RIN3: variants seen among roughly 807,000 people sequenced by gnomAD.
RIN3 encodes RAB5 interacting protein 3.
Under a neutral mutation model 76.3 loss-of-function variants are expected in RIN3, and 54 were observed. The observed-to-expected ratio is 0.71, with a 90% CI of 0.57 to 0.89. The LOEUF (loss-of-function observed/expected upper bound fraction) is 0.89. Among genes scored for constraint, RIN3 ranks in the 40% least tolerant of loss-of-function variants. The pLI is 0.00. For missense variants in RIN3, 1,256 were observed against 1,322.1 expected, an observed-to-expected ratio of 0.95 and a Z score of 0.78; for synonymous variants, 576 against 564.0, an observed-to-expected ratio of 1.02 and a Z score of -0.30.
In RIN3 at chr14:92,672,660, A is replaced by ATGTGTGTGTG. The variant is rs57611104; in HGVS notation, c.2336-3795_2336-3786dup. ...ATAAATTATATATATATGTGTGTGC[A>ATGTGTGTGTG]TGTGTGTGTGTGTGTGTGTGTGTGT... On this transcript the variant is annotated intron_variant, in intron 7 of 9. Transcript: ENST00000216487. 1.1e-3 allele frequency among the ~76,000 whole-genome samples: 169 copies of ATGTGTGTGTG among 148,510 alleles called. 1 individual carries two copies. The highest frequency in any genetic ancestry group is 3.9e-3 in the African/African-American group (157 of 40,400).
chr14:92,588,672 G>A (rs1487343014), intron 3 of RIN3, among the ~76,000 whole-genome samples: 1 of 152,032 alleles, frequency 6.6e-6, no homozygotes, highest in Non-Finnish European at 1.5e-5. Flanking sequence ...AGGAATTTGG[G>A]GGGACACCAG....
At chr14:92,626,608 G>A (rs1328838194) in intron 4 of RIN3, among the ~76,000 whole-genome samples, 1 of 152,152 alleles carries the variant, frequency 6.6e-6, no homozygotes. Context: ...GGATACTTAG[G>A]CTGACAAGGA....
At chr14:92,516,790 T>C (rs577256037) in intron 1 of RIN3, among the ~76,000 whole-genome samples, 1 of 152,264 alleles carries the variant, frequency 6.6e-6, no homozygotes, top group African/African-American at 2.4e-5. Flanking sequence ...GGGTCCCTGA[T>C]CTGTGATCTT....
chr14:92,555,158 G>T (rs1424251386), intron 1 of RIN3, among the ~76,000 whole-genome samples: 1 of 152,182 alleles, frequency 6.6e-6, no homozygotes, highest in African/African-American at 2.4e-5. Flanking sequence ...CACTCAAGAT[G>T]TGTGCATTTC....
Position 92,538,849 on chromosome 14 carries a change from A to G in RIN3, c.45-16902A>G, listed in dbSNP as rs1399964999. On this transcript the variant is annotated intron_variant, in intron 1 of 9. Coordinates refer to ENST00000216487, the MANE Select transcript of RIN3 (RefSeq NM_024832.5). ...AAAGGTACAAAAGGGTTCATATCCC[A>G]GCTCTGCCACTTGCTAATTCTGTAG... 2.0e-5 allele frequency among the ~76,000 whole-genome samples: 3 copies of G among 152,226 alleles called. No homozygotes were observed. The East Asian group carries it at 5.8e-4, about 29-fold the overall frequency.
chr14:92,629,608 A>C (rs1886490776), intron 4 of RIN3, among the ~76,000 whole-genome samples: 1 of 152,244 alleles, frequency 6.6e-6, no homozygotes, highest in African/African-American at 2.4e-5. Flanking sequence ...CCCTGCCTCC[A>C]GACCCTATTT....
At chr14:92,577,075 C>A (rs766410659) in intron 2 of RIN3, among the ~76,000 whole-genome samples, 6 of 152,160 alleles carry the variant, frequency 3.9e-5, no homozygotes, top group South Asian at 2.1e-4. Context: ...GACCTCCCCC[C>A]ACCATGGACT....
At chr14:92,601,657 C>T (rs1308177946) in intron 3 of RIN3, among the ~76,000 whole-genome samples, 4 of 152,180 alleles carry the variant, frequency 2.6e-5, no homozygotes, top group Admixed American at 2.0e-4. Context: ...AAGACATCTC[C>T]CCGGCCCTGC....
rs544160650 is a variant in RIN3, at chr14:92,558,306, G to A, written c.249+2351G>A. ...GGAAGTTGCAGTGTGCCTAGATCAC[G>A]CCACTGTACTCCAGCCCAGGTGATG... On this transcript the variant is annotated intron_variant, in intron 2 of 9. Coordinates refer to ENST00000216487, the MANE Select transcript of RIN3 (RefSeq NM_024832.5). Among the ~76,000 whole-genome samples, 35 of 152,222 alleles carry A rather than the reference G, an allele frequency of 2.3e-4. No individual in the cohort carries two copies. The South Asian group carries it at 5.0e-3, about 22-fold the overall frequency.
At chr14:92,646,321 G>T (rs1234629398) in intron 5 of RIN3, among the ~76,000 whole-genome samples, 2 of 152,208 alleles carry the variant, frequency 1.3e-5, no homozygotes, top group African/African-American at 2.4e-5. Context: ...TTGGCATTGG[G>T]ATAGGCAGGG....
At chr14:92,519,144 G>A (rs1195180447) in intron 1 of RIN3, among the ~76,000 whole-genome samples, 1 of 152,126 alleles carries the variant, frequency 6.6e-6, no homozygotes, top group Non-Finnish European at 1.5e-5. Flanking sequence ...GGGGATCAAA[G>A]TGCCCATTGG....
At chr14:92,584,767 C>G (rs1884706626) in intron 3 of RIN3, among the ~76,000 whole-genome samples, 1 of 152,120 alleles carries the variant, frequency 6.6e-6, no homozygotes, top group Admixed American at 6.5e-5. Flanking sequence ...AGGACACTAG[C>G]TACTTTTTCA....
rs761845234 is a variant in RIN3 at position 92,652,032 on chromosome 14, G to C, written c.983G>C (p.Gly328Ala). ...CCCCACGTCACACCCCATGCCCCAG[G>C]TCCCCCAGACCATCCGAACCAGCCG... ...PAPHVTPHAP[G>A]PPDHPNQPPM... Residue 328 changes from glycine to alanine, a missense_variant, in exon 6 of 10, where the codon GGT becomes GCT. Gly to Ala is a moderately conservative substitution (Grantham distance 60, BLOSUM62 0). Around this residue, in one of 3 missense-constraint regions of RIN3, gnomAD observed 610 missense variants for 626.4 expected, o/e 0.97. Transcript: ENST00000216487. The surrounding 1 kb of genome is among the most constrained non-coding windows in gnomAD (Gnocchi z 6.4). 39 of 1,594,632 alleles carry C rather than the reference G, an allele frequency of 2.4e-5. No homozygotes were observed. Among genetic ancestry groups the C allele is most frequent in the Non-Finnish European group, 2.9e-5 (34 of 1,176,034 alleles).
At chr14:92,588,416 G>C (rs1299229192) in intron 3 of RIN3, among the ~76,000 whole-genome samples, 1 of 151,928 alleles carries the variant, frequency 6.6e-6, no homozygotes, top group Non-Finnish European at 1.5e-5. Context: ...AGTAGGGACA[G>C]TGTTTCTCCA....
chr14:92,553,224 T>C (rs921221306), intron 1 of RIN3, among the ~76,000 whole-genome samples: 4 of 152,136 alleles, frequency 2.6e-5, no homozygotes, highest in African/African-American at 9.7e-5. Flanking sequence ...ATCCCTGCTA[T>C]TGAAAGTCCT....
chr14:92,624,837 C>T (rs1347840701), intron 4 of RIN3, among the ~76,000 whole-genome samples: 2 of 152,184 alleles, frequency 1.3e-5, no homozygotes, highest in African/African-American at 2.4e-5. Context: ...TGGCCCATGA[C>T]GCTGGAGGGG....
chr14:92,625,489 CT>C (rs1459215473), intron 4 of RIN3, among the ~76,000 whole-genome samples: 1 of 152,162 alleles, frequency 6.6e-6, no homozygotes, highest in African/African-American at 2.4e-5. Context: ...ACATTATTAG[CT>C]GTTGCGGGGA....
At chr14:92,589,033 T>G (rs1054769945) in intron 3 of RIN3, among the ~76,000 whole-genome samples, 19 of 152,314 alleles carry the variant, frequency 1.2e-4, no homozygotes, top group African/African-American at 4.1e-4. Flanking sequence ...ATCCTCCCCA[T>G]GCCCACATTC....
chr14:92,616,963 G>A (rs895013544), intron 4 of RIN3, among the ~76,000 whole-genome samples: 3 of 152,160 alleles, frequency 2.0e-5, no homozygotes, highest in African/African-American at 7.2e-5. Context: ...GGGGCCTAGT[G>A]CATGAGCTTA....
Sources: allele counts gnomAD v4.1 joint callset (sites outside exome capture counted in the v4.1 genomes callset), GRCh38; gene constraint gnomAD v4.1.1; regional missense constraint gnomAD v4.1.1; non-coding constraint Gnocchi (gnomAD v3.1); transcripts MANE v1.5; gene names NCBI Gene and HGNC (gene_info 2026-07-23, HGNC 2026-07-21).